The following CCDC192 variants were observed in gnomAD, a reference collection of about 807,000 sequenced individuals.
CCDC192 encodes coiled-coil domain-containing protein 192.
intron 3 of CCDC192, chr5:127,785,981 C>T: frequency 1.8e-6 from 1 of 556,616 alleles, no homozygotes; most frequent in Non-Finnish European, 3.4e-6. Context: ...AAAGCAGCTT[C>T]TCCACATTTT....
At chr5:127,719,543 ATATATATATATATATACACACATACATAT>A (rs1165478725) in intron 2 of CCDC192, among the ~76,000 whole-genome samples, 1 of 36,358 alleles carries the variant, frequency 2.8e-5, no homozygotes, top group African/African-American at 8.4e-5. Context: ...ACATATATAT[ATATATATATATATATACACACATACATAT>A]ATATATATAC....
intron 6 of CCDC192, among the ~76,000 whole-genome samples, chr5:127,915,040 T>A (rs1260064752): frequency 6.6e-6 from 1 of 152,186 alleles, no homozygotes; most frequent in Non-Finnish European, 1.5e-5. Flanking sequence ...TTTTACATTT[T>A]CAGTTAGTAT....
chr5:127,829,645 T>C (rs1749693885), intron 5 of CCDC192, among the ~76,000 whole-genome samples: 1 of 152,224 alleles, frequency 6.6e-6, no homozygotes, highest in African/African-American at 2.4e-5. Flanking sequence ...CAAAGAAAAT[T>C]AGATGCATGA....
At chr5:127,728,090 G>A (rs1205943875) in intron 2 of CCDC192, among the ~76,000 whole-genome samples, 1 of 152,134 alleles carries the variant, frequency 6.6e-6, no homozygotes. Context: ...AAAGAGACGG[G>A]GAGAACAAAA....
chr5:127,855,374 A>G (rs1751018133), intron 5 of CCDC192, among the ~76,000 whole-genome samples: 1 of 152,228 alleles, frequency 6.6e-6, no homozygotes, highest in Non-Finnish European at 1.5e-5. Flanking sequence ...GCAGGAATTC[A>G]GTCACATCTT....
rs1750061877 is a variant in CCDC192 at position 127,837,035 on chromosome 5, A to G, written c.412-38503A>G. On this transcript the variant is annotated intron_variant, in intron 5 of 6. Transcript: ENST00000514853. ...TTTATACTCTGCTTTCCTTTTAAAC[A>G]TAAGTTCCAATTTCAGATCATCTCT... Among the ~76,000 whole-genome samples, 2 of 81,822 alleles carry G rather than the reference A, an allele frequency of 2.4e-5. 1 individual carries two copies. The highest frequency in any genetic ancestry group is 8.1e-5 in the African/African-American group (2 of 24,682). 53.7% of individuals were successfully genotyped at this position (81,822 alleles called of 152,430 possible). A position where few individuals can be genotyped will look rare whatever the true frequency, so the allele number is the denominator to read the frequency against.
intron 3 of CCDC192, among the ~76,000 whole-genome samples, chr5:127,759,234 T>G (rs1165730033): frequency 1.3e-5 from 2 of 152,212 alleles, no homozygotes; most frequent in African/African-American, 4.8e-5. Flanking sequence ...TATCTGTCCC[T>G]CTGTCCCTTT....
intron 2 of CCDC192, among the ~76,000 whole-genome samples, chr5:127,723,012 A>G (rs927152402): frequency 2.6e-5 from 4 of 152,094 alleles, no homozygotes; most frequent in Non-Finnish European, 5.9e-5. Context: ...TCATTTTGTT[A>G]GAGATTGCAT....
intron 5 of CCDC192, among the ~76,000 whole-genome samples, chr5:127,837,340 T>C (rs1750071654): frequency 1.2e-5 from 1 of 81,398 alleles, no homozygotes; most frequent in Non-Finnish European, 2.9e-5. Context: ...CTTACAATCA[T>C]GGTGGAAGAG....
chr5:127,782,566 T>G lies in CCDC192; in HGVS notation c.223-14537T>G, dbSNP rs550450818. On this transcript the variant is annotated intron_variant, in intron 3 of 6. Coordinates refer to ENST00000514853, the MANE Select transcript of CCDC192 (RefSeq NM_001317938.2). ...TAGGAAGGTTGTATCTTTCCAGGAA[T>G]TCATCCATGTCATCTAGGTTTTTTA... is the stretch of plus-strand genomic sequence containing the variant. Among the ~76,000 whole-genome samples, 143 of 152,292 alleles carry G rather than the reference T, an allele frequency of 9.4e-4. 1 individual carries two copies. Among genetic ancestry groups the G allele is most frequent in the African/African-American group, 3.3e-3 (139 of 41,562 alleles).
chr5:127,808,352 T>C (rs1757906688), intron 5 of CCDC192, among the ~76,000 whole-genome samples: 1 of 151,928 alleles, frequency 6.6e-6, no homozygotes, highest in Non-Finnish European at 1.5e-5. Context: ...CTACACTAAA[T>C]CCTTTCTGAA....
intron 5 of CCDC192, among the ~76,000 whole-genome samples, chr5:127,833,799 T>G (rs116597923): frequency 0.011 from 1,636 of 152,256 alleles, 31 homozygotes; most frequent in African/African-American, 0.037. Context: ...TCAGTTAAAT[T>G]TTCTGTCTCA....
intron 3 of CCDC192, among the ~76,000 whole-genome samples, chr5:127,758,002 G>A (rs546974072): frequency 6.6e-6 from 1 of 152,092 alleles, no homozygotes; most frequent in East Asian, 2.0e-4. Flanking sequence ...ATGAGGTGGG[G>A]AGTGTGGAAG....
At chr5:127,795,265 G>A (rs1757097310) in intron 3 of CCDC192, among the ~76,000 whole-genome samples, 1 of 144,560 alleles carries the variant, frequency 6.9e-6, no homozygotes, top group Non-Finnish European at 1.5e-5. Flanking sequence ...ATTCCAATTT[G>A]GGTGACAAGG....
chr5:127,814,503 T>G (rs971771675), intron 5 of CCDC192, among the ~76,000 whole-genome samples: 1 of 152,176 alleles, frequency 6.6e-6, no homozygotes, highest in African/African-American at 2.4e-5. Flanking sequence ...GGATAAAAGC[T>G]TCACTGAATG....
chr5:127,901,667 G>C (rs1753040078), intron 6 of CCDC192, among the ~76,000 whole-genome samples: 1 of 152,162 alleles, frequency 6.6e-6, no homozygotes, highest in East Asian at 1.9e-4. Flanking sequence ...TTCTCTTCCT[G>C]CTCCCAGTCA....
At chr5:127,706,240 C>T (rs999704587) in intron 1 of CCDC192, among the ~76,000 whole-genome samples, 1 of 152,062 alleles carries the variant, frequency 6.6e-6, no homozygotes, top group African/African-American at 2.4e-5. Context: ...AAAAGTAAGG[C>T]TTTATTGGCA....
rs578189241 is a variant in CCDC192 at position 127,806,362 on chromosome 5, A to T, written c.411+8200A>T. Reference sequence around the variant, plus strand: ...CCTGTTTCCTCATTTTCTATAGACGATGAATAAGTTTAAACTGAACAACCA... The same window carrying T: ...CCTGTTTCCTCATTTTCTATAGACGTTGAATAAGTTTAAACTGAACAACCA... On this transcript the variant is annotated intron_variant, in intron 5 of 6. Coordinates refer to ENST00000514853, the MANE Select transcript of CCDC192 (RefSeq NM_001317938.2). 3.9e-5 allele frequency among the ~76,000 whole-genome samples: 6 copies of T among 152,152 alleles called. No homozygotes were observed. In the East Asian group the frequency reaches 1.2e-3, roughly 29 times the overall value.
intron 2 of CCDC192, among the ~76,000 whole-genome samples, chr5:127,741,059 T>G (rs896144064): frequency 5.9e-5 from 9 of 152,140 alleles, no homozygotes; most frequent in African/African-American, 2.2e-4. Context: ...TATTTAGTTG[T>G]TGTTGTCGTC....
Sources: allele counts gnomAD v4.1 joint callset (sites outside exome capture counted in the v4.1 genomes callset), GRCh38; gene constraint gnomAD v4.1.1; transcripts MANE v1.5; gene names NCBI Gene and HGNC (gene_info 2026-07-23, HGNC 2026-07-21).